The following LRBA variants were observed in gnomAD, a reference collection of about 807,000 sequenced individuals.
LRBA encodes lipopolysaccharide-responsive and beige-like anchor protein.
A neutral mutation model predicts 330.0 loss-of-function variants in LRBA; 176 were observed. The observed-to-expected ratio is 0.53, with a 90% CI of 0.47 to 0.60. The LOEUF (loss-of-function observed/expected upper bound fraction) is 0.60, where lower values mean the gene tolerates loss of function less well. LRBA is among the 20% of genes least tolerant of loss of function. The pLI, the probability that LRBA is intolerant of heterozygous loss-of-function variation, is 0.00. For synonymous variants in LRBA, 1,230 were observed against 1,193.0 expected, an observed-to-expected ratio of 1.03 and a Z score of -0.64; for missense variants, 3,259 against 3,444.8, an observed-to-expected ratio of 0.95 and a Z score of 1.35.
intron 22 of LRBA, among the ~76,000 whole-genome samples, chr4:150,859,983 G>T (rs1292224451): frequency 6.6e-6 from 1 of 152,120 alleles, no homozygotes; most frequent in African/African-American, 2.4e-5. Flanking sequence ...TTTAATAGCT[G>T]CTAAAAATTG....
At chr4:150,845,964 C>G (rs1313851690) in intron 26 of LRBA, among the ~76,000 whole-genome samples, 2 of 152,156 alleles carry the variant, frequency 1.3e-5, no homozygotes, top group Non-Finnish European at 2.9e-5. Flanking sequence ...GTCATCCTAA[C>G]TTCTAACTCC....
chr4:150,901,130 T>C (rs913364622), intron 13 of LRBA, among the ~76,000 whole-genome samples: 1 of 151,906 alleles, frequency 6.6e-6, no homozygotes, highest in Non-Finnish European at 1.5e-5. Context: ...AAACTTCGTC[T>C]CTACCAAAAA....
At chr4:150,395,778 A>G (rs1744649760) in intron 47 of LRBA, among the ~76,000 whole-genome samples, 1 of 152,094 alleles carries the variant, frequency 6.6e-6, no homozygotes, top group Non-Finnish European at 1.5e-5. Flanking sequence ...CTTTTCCTAT[A>G]CTATAAGCTT....
chr4:150,608,389 A>T (rs1419532833), intron 37 of LRBA, among the ~76,000 whole-genome samples: 3 of 152,200 alleles, frequency 2.0e-5, no homozygotes, highest in African/African-American at 7.2e-5. Flanking sequence ...ACAGAAAAGG[A>T]TCAGTAAAAG....
At chr4:150,828,670 C>A in intron 29 of LRBA, 49 bp from the exon 30 acceptor site, 1 of 1,466,560 alleles carries the variant, frequency 6.8e-7, no homozygotes, top group Non-Finnish European at 9.3e-7. Flanking sequence ...AAGTTTAGAA[C>A]TAATTTTTAA....
chr4:150,302,716 TC>T lies in LRBA; in HGVS notation c.7925del (p.Gly2642GlufsTer41), dbSNP rs933622981. The T allele has an allele frequency of 6.2e-7, 1 of 1,612,796 alleles. No individual in the cohort carries two copies. The highest frequency in any genetic ancestry group is 1.3e-5 in the African/African-American group (1 of 74,810). On this transcript the variant is annotated frameshift_variant, in exon 53 of 57. Coordinates refer to ENST00000651943, the MANE Select transcript of LRBA (RefSeq NM_001364905.1). LOFTEE classifies it high-confidence loss of function. ...GTGACCCTGAGAGAATGTAGCAATT[TC>T]CCCCAATATATGACTCAGAACGAGC... ...CLARSESYIG[G>X]NCYILSGSRD... is the part of the protein sequence containing the mutation.
chr4:150,555,161 A>G lies in LRBA; in HGVS notation c.6330+32887T>C, dbSNP rs549622890. Among the ~76,000 whole-genome samples the G allele has an allele frequency of 6.5e-4, 99 of 152,318 alleles. 1 individual carries two copies. The South Asian group carries it at 0.011, about 17-fold the overall frequency. ...GAATCTGAAAACAGGTGACTCCAAT[A>G]TCAATTCTTTCCATCAACTCTAGGT... On this transcript the variant is annotated intron_variant, in intron 40 of 56. Coordinates refer to ENST00000651943, the MANE Select transcript of LRBA (RefSeq NM_001364905.1).
At chr4:150,869,515 C>A (rs750256890) in intron 20 of LRBA, among the ~76,000 whole-genome samples, 8 of 151,866 alleles carry the variant, frequency 5.3e-5, no homozygotes, top group Non-Finnish European at 1.2e-4. Context: ...ATGGCGAAAT[C>A]CCATCTCCAC....
intron 40 of LRBA, among the ~76,000 whole-genome samples, chr4:150,540,807 T>C (rs933145656): frequency 2.6e-5 from 4 of 152,172 alleles, no homozygotes; most frequent in Non-Finnish European, 5.9e-5. Context: ...TTAAAGAACA[T>C]CTTGCTTAGA....
At chr4:150,356,486 A>T (rs984323221) in intron 47 of LRBA, among the ~76,000 whole-genome samples, 1 of 152,014 alleles carries the variant, frequency 6.6e-6, no homozygotes, top group Admixed American at 6.6e-5. Flanking sequence ...TCTATAGGTA[A>T]ATTTCCTTAT....
At chr4:150,829,467 C>T (rs1416481147) in intron 29 of LRBA, among the ~76,000 whole-genome samples, 1 of 152,190 alleles carries the variant, frequency 6.6e-6, no homozygotes, top group African/African-American at 2.4e-5. Context: ...CTGCATCTTG[C>T]TAACTCCAAT....
intron 44 of LRBA, among the ~76,000 whole-genome samples, chr4:150,449,065 G>A (rs991998543): frequency 1.6e-4 from 25 of 152,016 alleles, no homozygotes; most frequent in African/African-American, 4.6e-4. Flanking sequence ...TACTGGGAAT[G>A]GCAACAAAAC....
intron 46 of LRBA, among the ~76,000 whole-genome samples, chr4:150,434,701 A>G (rs2151991289): frequency 6.6e-6 from 1 of 152,124 alleles, no homozygotes; most frequent in African/African-American, 2.4e-5. Context: ...AAAATAAAAA[A>G]TTAGCCTAGC....
intron 17 of LRBA, among the ~76,000 whole-genome samples, chr4:150,890,821 ATAAAG>A (rs1427594410): frequency 6.6e-6 from 1 of 152,230 alleles, no homozygotes; most frequent in Non-Finnish European, 1.5e-5. Flanking sequence ...GACTAAAAGT[ATAAAG>A]TATAGACTTT....
intron 47 of LRBA, among the ~76,000 whole-genome samples, chr4:150,373,043 A>G (rs1362364623): frequency 6.6e-6 from 1 of 151,938 alleles, no homozygotes; most frequent in Non-Finnish European, 1.5e-5. Context: ...CAACAATGCG[A>G]GACATTTTGG....
intron 36 of LRBA, among the ~76,000 whole-genome samples, chr4:150,700,380 AAC>A (rs1392228018): frequency 3.3e-5 from 5 of 152,184 alleles, no homozygotes; most frequent in Non-Finnish European, 7.3e-5. Flanking sequence ...TGTATACCTA[AAC>A]ACAGAAAAGG....
rs572160691 is a variant in LRBA at position 150,627,906 on chromosome 4, A to C, written c.5922-28775T>G. On this transcript the variant is annotated intron_variant, in intron 37 of 56. Transcript: ENST00000651943. The stretch of plus-strand genomic sequence containing the variant: ...TGAAGTCAACTTTTCAAGGTCCATT[A>C]TCAGATGGAATGCAGTAGTAAAGAT... Among the ~76,000 whole-genome samples the C allele has an allele frequency of 2.0e-5, 3 of 152,226 alleles. No homozygotes were observed. The South Asian group carries it at 6.2e-4, about 32-fold the overall frequency.
intron 2 of LRBA, among the ~76,000 whole-genome samples, chr4:150,985,308 C>G (rs1389280446): frequency 6.6e-6 from 1 of 151,052 alleles, no homozygotes; most frequent in Non-Finnish European, 1.5e-5. Flanking sequence ...AACAAAAGCT[C>G]ATGTTCCCTT....
At chr4:150,593,445 C>G (rs1225847733) in intron 38 of LRBA, among the ~76,000 whole-genome samples, 1 of 152,068 alleles carries the variant, frequency 6.6e-6, no homozygotes, top group African/African-American at 2.4e-5. Context: ...AGTTAACATG[C>G]GTTTGACAAT....
Sources: allele counts gnomAD v4.1 joint callset (sites outside exome capture counted in the v4.1 genomes callset), GRCh38; gene constraint gnomAD v4.1.1; transcripts MANE v1.5; gene names NCBI Gene and HGNC (gene_info 2026-07-23, HGNC 2026-07-21).